The following SCHIP1 variants were observed in gnomAD, a reference collection of about 807,000 sequenced individuals.
SCHIP1 encodes the protein schwannomin interacting protein 1, also known as schwannomin-interacting protein 1.
SCHIP1 carries 8 observed loss-of-function variants against 29.7 expected under a neutral mutation model. The ratio of observed to expected loss-of-function variants is 0.27; its 90% confidence interval spans 0.16 to 0.49. The LOEUF (loss-of-function observed/expected upper bound fraction) is 0.49. SCHIP1 is among the 20% of genes least tolerant of loss of function. The pLI, the probability that SCHIP1 is intolerant of heterozygous loss-of-function variation, is 0.99. For synonymous variants in SCHIP1, 76 were observed against 94.9 expected (o/e 0.80, Z 1.16); for missense variants, 193 against 294.6 (o/e 0.66, Z 2.52).
chr3:159,510,469 G>A, the SCHIP1 span, among the ~76,000 whole-genome samples: 71 of 152,294 alleles, frequency 4.7e-4, no homozygotes, highest in African/African-American at 1.6e-3. Flanking sequence ...CTCTCAACTC[G>A]TCAAAGTCAT....
the SCHIP1 span, among the ~76,000 whole-genome samples, chr3:159,415,029 T>C: frequency 6.6e-6 from 1 of 152,304 alleles, no homozygotes; most frequent in African/African-American, 2.4e-5. Context: ...TTATAGCCTA[T>C]GTTTTCTTAA....
the SCHIP1 span, among the ~76,000 whole-genome samples, chr3:159,746,721 T>C: frequency 3.3e-5 from 5 of 152,314 alleles, no homozygotes; most frequent in East Asian, 7.7e-4. Flanking sequence ...TATCCTGCAA[T>C]ATTCACTCTC....
At chr3:159,393,762 T>C in the SCHIP1 span, among the ~76,000 whole-genome samples, 38 of 151,350 alleles carry the variant, frequency 2.5e-4, no homozygotes, top group Non-Finnish European at 4.7e-4. Flanking sequence ...CCTCCAGCTT[T>C]GTTCTTTTGG....
the SCHIP1 span, among the ~76,000 whole-genome samples, chr3:159,782,659 T>G: frequency 6.6e-6 from 1 of 152,254 alleles, no homozygotes; most frequent in Non-Finnish European, 1.5e-5. Context: ...AAGTCTCAGT[T>G]AGAAACTCAT....
the SCHIP1 span, among the ~76,000 whole-genome samples, chr3:159,643,080 G>A: frequency 1.3e-5 from 2 of 152,094 alleles, no homozygotes; most frequent in Middle Eastern, 6.8e-3. Flanking sequence ...CTTATGTGCT[G>A]GGTATTGTAA....
At chr3:159,683,451 C>T in the SCHIP1 span, among the ~76,000 whole-genome samples, 3 of 152,014 alleles carry the variant, frequency 2.0e-5, no homozygotes, top group Non-Finnish European at 4.4e-5. Context: ...TTTTTTCAAT[C>T]GTTTTTGTAA....
the SCHIP1 span, among the ~76,000 whole-genome samples, chr3:159,429,250 G>A: frequency 6.6e-6 from 1 of 150,396 alleles, no homozygotes; most frequent in African/African-American, 2.4e-5. Context: ...ATATGTCATG[G>A]CAATAGAATC....
chr3:159,301,726 T>C, the SCHIP1 span, among the ~76,000 whole-genome samples: 1 of 152,230 alleles, frequency 6.6e-6, no homozygotes, highest in African/African-American at 2.4e-5. Flanking sequence ...TGTGCCTTGC[T>C]TCCCCTTTGC....
the SCHIP1 span, among the ~76,000 whole-genome samples, chr3:159,641,514 G>A: frequency 1.2e-4 from 19 of 152,178 alleles, no homozygotes; most frequent in East Asian, 2.9e-3. Context: ...GCCTGGATAC[G>A]AACAGGGCTT....
chr3:159,769,159 C>T, the SCHIP1 span, among the ~76,000 whole-genome samples: 9 of 152,038 alleles, frequency 5.9e-5, no homozygotes, highest in South Asian at 2.1e-4. Context: ...GACAGTTTTC[C>T]CTCTTATGAG....
the SCHIP1 span, among the ~76,000 whole-genome samples, chr3:159,677,137 A>C: frequency 6.6e-6 from 1 of 152,174 alleles, no homozygotes; most frequent in Non-Finnish European, 1.5e-5. Flanking sequence ...CCTGGAACCC[A>C]AGCCTTCCCT....
At chr3:159,476,200 G>A in the SCHIP1 span, among the ~76,000 whole-genome samples, 2 of 152,122 alleles carry the variant, frequency 1.3e-5, no homozygotes, top group African/African-American at 4.8e-5. Flanking sequence ...GAGGCTTCAA[G>A]GGAGAATACA....
the SCHIP1 span, among the ~76,000 whole-genome samples, chr3:159,613,132 CT>C: frequency 6.6e-6 from 1 of 152,164 alleles, no homozygotes; most frequent in Non-Finnish European, 1.5e-5. Flanking sequence ...CTTTGTCACT[CT>C]GATAAATAAC....
the SCHIP1 span, among the ~76,000 whole-genome samples, chr3:159,789,813 C>T: frequency 6.6e-6 from 1 of 152,092 alleles, no homozygotes; most frequent in African/African-American, 2.4e-5. Flanking sequence ...GATTCCAAAC[C>T]TGATGTGTAA....
chr3:159,793,135 C>A, the SCHIP1 span, among the ~76,000 whole-genome samples: 1 of 152,090 alleles, frequency 6.6e-6, no homozygotes, highest in Non-Finnish European at 1.5e-5. Context: ...TATCATAATC[C>A]TTGAGTGCGT....
the SCHIP1 span, chr3:159,273,591 C>T: frequency 7.8e-7 from 1 of 1,280,710 alleles, no homozygotes; most frequent in Admixed American, 3.7e-5. Flanking sequence ...AAAGCTCTCG[C>T]TCTTTTTTGC....
At chr3:159,828,353 T>C in the SCHIP1 span, among the ~76,000 whole-genome samples, 1 of 133,924 alleles carries the variant, frequency 7.5e-6, no homozygotes, top group South Asian at 2.3e-4. Flanking sequence ...TTAGCATTAG[T>C]GTAACCTTTA....
the SCHIP1 span, among the ~76,000 whole-genome samples, chr3:159,630,283 T>G: frequency 6.6e-6 from 1 of 152,152 alleles, no homozygotes; most frequent in African/African-American, 2.4e-5. Flanking sequence ...AATTCCACAC[T>G]GTATGACCTC....
At chr3:159,681,149 A>G in the SCHIP1 span, among the ~76,000 whole-genome samples, 1 of 152,098 alleles carries the variant, frequency 6.6e-6, no homozygotes, top group Admixed American at 6.6e-5. Flanking sequence ...CTCTGCAGCA[A>G]GTGAGGGATA....
Sources: allele counts gnomAD v4.1 joint callset (sites outside exome capture counted in the v4.1 genomes callset), GRCh38; gene constraint gnomAD v4.1.1; transcripts MANE v1.5; gene names NCBI Gene and HGNC (gene_info 2026-07-23, HGNC 2026-07-21).